The following SNTG2 variants were observed in gnomAD, a reference collection of about 807,000 sequenced individuals.
SNTG2 encodes the protein gamma-2-syntrophin.
SNTG2 carries 74 observed loss-of-function variants against 70.9 expected under a neutral mutation model. That is an observed-to-expected ratio of 1.04 (90% CI 0.86 to 1.27). SNTG2 has a LOEUF of 1.27. Ranked by LOEUF, SNTG2 falls within the 50% of genes most tolerant of loss-of-function variation. The pLI is 0.00. For missense variants in SNTG2, 717 were observed against 690.7 expected, an observed-to-expected ratio of 1.04 and a Z score of -0.43; for synonymous variants, 278 against 273.8, an observed-to-expected ratio of 1.02 and a Z score of -0.15.
intron 1 of SNTG2, among the ~76,000 whole-genome samples, chr2:1,019,265 G>A (rs1660021669): frequency 6.6e-6 from 1 of 152,184 alleles, no homozygotes; most frequent in Admixed American, 6.5e-5. Flanking sequence ...GGAGGGTCTT[G>A]GAGAACATGC....
chr2:1,202,174 T>C (rs1268765045), intron 8 of SNTG2, among the ~76,000 whole-genome samples: 2 of 152,082 alleles, frequency 1.3e-5, no homozygotes, highest in African/African-American at 2.4e-5. Context: ...AAATATCCAA[T>C]ATAAACTGTT....
At chr2:1,208,010 G>T (rs1302565976) in intron 8 of SNTG2, among the ~76,000 whole-genome samples, 1 of 152,190 alleles carries the variant, frequency 6.6e-6, no homozygotes, top group Non-Finnish European at 1.5e-5. Flanking sequence ...CCACCCTTCT[G>T]AGCCTCCAGA....
chr2:1,155,105 C>T (rs925840202), intron 6 of SNTG2, among the ~76,000 whole-genome samples: 2 of 150,072 alleles, frequency 1.3e-5, no homozygotes, highest in African/African-American at 5.0e-5. Context: ...AACATACACA[C>T]ATAACACCCA....
At chr2:1,347,307 G>C (rs1660345238) in intron 16 of SNTG2, among the ~76,000 whole-genome samples, 2 of 152,118 alleles carry the variant, frequency 1.3e-5, no homozygotes, top group Non-Finnish European at 1.5e-5. Context: ...ATCCTGCAGG[G>C]CAGGGTCCAG....
At chr2:1,205,626 G>T (rs1385938353) in intron 8 of SNTG2, among the ~76,000 whole-genome samples, 1 of 152,180 alleles carries the variant, frequency 6.6e-6, no homozygotes, top group Non-Finnish European at 1.5e-5. Context: ...GCCAATTCTT[G>T]CTTTGAGTCT....
intron 11 of SNTG2, among the ~76,000 whole-genome samples, chr2:1,245,084 A>G (rs1213468646): frequency 1.4e-5 from 2 of 138,908 alleles, no homozygotes; most frequent in Non-Finnish European, 3.0e-5. Context: ...GAACACATGG[A>G]CACAGGAAGG....
At chr2:1,105,497 C>T (rs970273644) in intron 4 of SNTG2, among the ~76,000 whole-genome samples, 1 of 152,180 alleles carries the variant, frequency 6.6e-6, no homozygotes, top group Non-Finnish European at 1.5e-5. Context: ...CACACACGTA[C>T]GTGCTCCTTA....
At chr2:1,001,071 C>A (rs183709210) in intron 1 of SNTG2, among the ~76,000 whole-genome samples, 4 of 152,122 alleles carry the variant, frequency 2.6e-5, no homozygotes, top group Non-Finnish European at 4.4e-5. Context: ...TTCCAACATC[C>A]CTTCATAATA....
intron 8 of SNTG2, among the ~76,000 whole-genome samples, chr2:1,186,704 A>G (rs763027742): frequency 2.6e-5 from 4 of 152,204 alleles, no homozygotes; most frequent in Non-Finnish European, 5.9e-5. Context: ...TCATGAGAAC[A>G]GCAAGGGGAA....
chr2:977,742 C>T (rs1252241615), intron 1 of SNTG2, among the ~76,000 whole-genome samples: 1 of 152,134 alleles, frequency 6.6e-6, no homozygotes, highest in African/African-American at 2.4e-5. Context: ...TTACCGAGAT[C>T]AGGACCTGCC....
In SNTG2 at chr2:1,203,688, A is replaced by G. The variant is rs28584224; in HGVS notation, c.592-5415A>G. ...CAAAAAAAAAAATATATATATATAT[A>G]TATGTGTGTGTGTGTGTGTGTGTGT... On this transcript the variant is annotated intron_variant, in intron 8 of 16. Transcript: ENST00000308624. 8.6e-3 allele frequency among the ~76,000 whole-genome samples: 1,160 copies of G among 134,406 alleles called. 6 individuals carry two copies. Among genetic ancestry groups the G allele is most frequent in the South Asian group, 0.021 (86 of 4,142 alleles). 88.2% of individuals were successfully genotyped at this position (134,406 alleles called of 152,430 possible). A position where few individuals can be genotyped will look rare whatever the true frequency, so the allele number is the denominator to read the frequency against.
At chr2:965,798 T>C (rs879287352) in intron 1 of SNTG2, among the ~76,000 whole-genome samples, 3 of 152,092 alleles carry the variant, frequency 2.0e-5, no homozygotes, top group Non-Finnish European at 4.4e-5. Flanking sequence ...AGGACCTGTA[T>C]GGGGGTGGCT....
intron 1 of SNTG2, among the ~76,000 whole-genome samples, chr2:1,043,033 T>C (rs1388437268): frequency 2.0e-5 from 3 of 152,230 alleles, no homozygotes; most frequent in African/African-American, 7.2e-5. Context: ...CTAGCATCTG[T>C]TGTTTTATAA....
chr2:1,134,562 T>C (rs1485756788), intron 4 of SNTG2, among the ~76,000 whole-genome samples: 1 of 152,080 alleles, frequency 6.6e-6, no homozygotes, highest in Non-Finnish European at 1.5e-5. Context: ...TTTACAAACC[T>C]TGAGCTAGAT....
At chr2:964,152 G>A (rs187540203) in intron 1 of SNTG2, among the ~76,000 whole-genome samples, 1 of 152,304 alleles carries the variant, frequency 6.6e-6, no homozygotes, top group East Asian at 1.9e-4. Flanking sequence ...ATCTTGTAAT[G>A]AAGCTCCAAG....
chr2:1,223,722 A>G (rs1403067599), intron 9 of SNTG2, among the ~76,000 whole-genome samples: 1 of 152,048 alleles, frequency 6.6e-6, no homozygotes, highest in Non-Finnish European at 1.5e-5. Flanking sequence ...GTGGATGGAG[A>G]AGGTTTTAAA....
At chr2:1,349,322 A>G (rs1161837477) in intron 16 of SNTG2, among the ~76,000 whole-genome samples, 1 of 152,240 alleles carries the variant, frequency 6.6e-6, no homozygotes, top group Non-Finnish European at 1.5e-5. Flanking sequence ...GGAGGCAATT[A>G]GGGAAGTTAC....
chr2:1,304,511 C>T (rs988974541), intron 14 of SNTG2, among the ~76,000 whole-genome samples: 5 of 152,024 alleles, frequency 3.3e-5, no homozygotes, highest in Admixed American at 6.5e-5. Context: ...TGGATCACTG[C>T]GTTCAGAAGT....
intron 1 of SNTG2, among the ~76,000 whole-genome samples, chr2:1,017,254 T>A (rs552476217): frequency 2.0e-5 from 3 of 152,300 alleles, no homozygotes; most frequent in Admixed American, 2.0e-4. Flanking sequence ...ATTCTGTAAC[T>A]GTGTCATAAA....
Sources: allele counts gnomAD v4.1 joint callset (sites outside exome capture counted in the v4.1 genomes callset), GRCh38; gene constraint gnomAD v4.1.1; transcripts MANE v1.5; gene names NCBI Gene and HGNC (gene_info 2026-07-23, HGNC 2026-07-21).